BRD3: variants seen among roughly 807,000 people sequenced by gnomAD.
BRD3 encodes bromodomain-containing protein 3.
Under a neutral mutation model 66.8 loss-of-function variants are expected in BRD3, and 17 were observed. That is an observed-to-expected ratio of 0.25 (90% confidence interval 0.17 to 0.38). The LOEUF is 0.38. BRD3 is among the 10% of genes least tolerant of loss of function. The pLI is 1.00. For missense variants in BRD3, 713 were observed against 956.1 expected (o/e 0.75, Z 3.35); for synonymous variants, 421 against 393.2 (o/e 1.07, Z -0.84).
At position 134,054,920 on chromosome 9, in the gene BRD3, C is replaced by G. The variant is rs144200326; in HGVS notation, c.-113-1330G>C. Among the ~76,000 whole-genome samples, 4 of 152,304 alleles carry G rather than the reference C, an allele frequency of 2.6e-5. No homozygotes were observed. In the East Asian group the frequency reaches 7.7e-4, roughly 30 times the overall value. Reference sequence around the variant, plus strand: ...AAAGGGCTTCAAACTACACGCAACACAGCTCACCCACCAAGCATGCCAGCA... The same window carrying G: ...AAAGGGCTTCAAACTACACGCAACAGAGCTCACCCACCAAGCATGCCAGCA... On this transcript the variant is annotated intron_variant, in intron 1 of 11. Coordinates refer to ENST00000303407, the MANE Select transcript of BRD3 (RefSeq NM_007371.4).
At position 134,033,752 on chromosome 9, in the gene BRD3, A is replaced by G. The variant is rs1404993335; in HGVS notation, c.2066-47T>C. Reference sequence around the variant, plus strand: ...GATGCGCTCGCACACCCGCTTCTTGACCCGCTTGGCGGCATGTCGTCCATG... The same window carrying G: ...GATGCGCTCGCACACCCGCTTCTTGGCCCGCTTGGCGGCATGTCGTCCATG... On this transcript the variant is annotated intron_variant, in intron 11 of 11. Transcript: ENST00000303407. This position sits in a 1 kb window ranked among gnomAD's most constrained non-coding sequence, Gnocchi z 5.1. 1 of 684,826 alleles carries G rather than the reference A, an allele frequency of 1.5e-6. No homozygotes were observed. The highest frequency in any genetic ancestry group is 2.7e-6 in the Non-Finnish European group (1 of 372,254). The allele number at this position is 684,826 out of a possible 1,614,324, so 42.4% of individuals were successfully genotyped here.
rs2132363793 is a variant in BRD3, at chr9:134,030,522, T to C, written c.*3068A>G. The C allele has an allele frequency of 4.8e-6, 1 of 208,990 alleles. No homozygotes were observed. The highest frequency in any genetic ancestry group is 2.3e-5 in the African/African-American group (1 of 43,940). 12.9% of individuals were successfully genotyped at this position (208,990 alleles called of 1,614,324 possible). ...ATATACTAGAAACGGCACTAAAAAG[T>C]TTAAGAAAAGTTACGGTAAACTTGC... On this transcript the variant is annotated 3_prime_UTR_variant, in exon 12 of 12. Coordinates refer to ENST00000303407, the MANE Select transcript of BRD3 (RefSeq NM_007371.4).
intron 3 of BRD3, among the ~76,000 whole-genome samples, 183 bp downstream of exon 3, chr9:134,052,123 G>C (rs1042312703): frequency 6.6e-6 from 1 of 152,046 alleles, no homozygotes; most frequent in Non-Finnish European, 1.5e-5. Flanking sequence ...GAACTCCTGA[G>C]CTCAAGTGAT....
In BRD3 at chr9:134,031,214, G is replaced by A. The variant is rs1036194728; in HGVS notation, c.*2376C>T. The A allele has an allele frequency of 3.2e-5, 7 of 218,784 alleles. No homozygotes were observed. The Admixed American group carries it at 4.1e-4, about 13-fold the overall frequency. 13.6% of individuals were successfully genotyped at this position (218,784 alleles called of 1,614,324 possible). ...ACGCCACCGTCACAGAGAACCAGCCGAGAAGGAAAGGCCCCACGATGCTCC... is the reference window on the plus strand; with the variant it reads ...ACGCCACCGTCACAGAGAACCAGCCAAGAAGGAAAGGCCCCACGATGCTCC... On this transcript the variant is annotated 3_prime_UTR_variant, in exon 12 of 12. Transcript: ENST00000303407.
At position 134,033,744 on chromosome 9, in the gene BRD3, G is replaced by C. The variant is rs753189876; in HGVS notation, c.2066-39C>G. The C allele has an allele frequency of 1.4e-6, 1 of 692,518 alleles. No individual in the cohort carries two copies. Among genetic ancestry groups the C allele is most frequent in the Admixed American group, 2.0e-5 (1 of 49,498 alleles). The allele number at this position is 692,518 out of a possible 1,614,324, so 42.9% of individuals were successfully genotyped here. ...GGCAGGGAGATGCGCTCGCACACCC[G>C]CTTCTTGACCCGCTTGGCGGCATGT... On this transcript the variant is annotated intron_variant, in intron 11 of 11. Transcript: ENST00000303407. The surrounding 1 kb of genome is among the most constrained non-coding windows in gnomAD (Gnocchi z 5.1).
intron 2 of BRD3, 107 bp downstream of exon 2, chr9:134,053,158 G>A (rs1664822208): frequency 7.8e-7 from 1 of 1,286,140 alleles, no homozygotes; most frequent in Non-Finnish European, 1.1e-6. Context: ...CAGCTTAGCA[G>A]CAAATTCCCA....
intron 10 of BRD3, among the ~76,000 whole-genome samples, chr9:134,035,720 C>T (rs1843595284): frequency 2.0e-5 from 3 of 152,236 alleles, no homozygotes; most frequent in South Asian, 2.1e-4. Flanking sequence ...GGTTTGGGGC[C>T]GGAGCCCAGC....
rs143914406 is a variant in BRD3, at chr9:134,054,716, T to G, written c.-113-1126A>C. Among the ~76,000 whole-genome samples the G allele has an allele frequency of 4.9e-3, 752 of 152,194 alleles. 7 individuals are homozygous for G. Among genetic ancestry groups the G allele is most frequent in the African/African-American group, 0.017 (721 of 41,506 alleles). ...GACGCTCGGGGCAGACAGTCAAGAC[T>G]AGGGGAAGTTTGTGAGCTGGGTGAC... On this transcript the variant is annotated intron_variant, in intron 1 of 11. Coordinates refer to ENST00000303407, the MANE Select transcript of BRD3 (RefSeq NM_007371.4).
At chr9:134,051,889 G>GTTT (rs886259053) in intron 3 of BRD3, among the ~76,000 whole-genome samples, 180 bp from the exon 4 acceptor site, 7 of 59,018 alleles carry the variant, frequency 1.2e-4, no homozygotes, top group African/African-American at 2.5e-4. Context: ...TGTTTTTTTT[G>GTTT]TTTTTTTTTT....
rs990251700 is a variant in BRD3 at position 134,030,897 on chromosome 9, C to T, written c.*2693G>A. 1 of 231,920 alleles carries T rather than the reference C, an allele frequency of 4.3e-6. No individual in the cohort carries two copies. Among genetic ancestry groups the T allele is most frequent in the African/African-American group, 2.2e-5 (1 of 45,256 alleles). The allele number at this position is 231,920 out of a possible 1,614,324, so 14.4% of individuals were successfully genotyped here. On this transcript the variant is annotated 3_prime_UTR_variant, in exon 12 of 12. Coordinates refer to ENST00000303407, the MANE Select transcript of BRD3 (RefSeq NM_007371.4). ...CACGACTTGTCACTACTCCTCTCCC[C>T]TTGAAAAAAGCATGTTAGAAGCTGC...
At chr9:134,054,097 AAC>A (rs1286345606) in intron 1 of BRD3, 1 of 152,926 alleles carries the variant, frequency 6.5e-6, no homozygotes, top group East Asian at 1.9e-4. Flanking sequence ...TGCAGACCCA[AAC>A]ACGGTGCGGG....
At position 134,041,883 on chromosome 9, in the gene BRD3, G is replaced by T. The variant is rs467387; in HGVS notation, c.1284C>A (p.Pro428=). Residue 428 remains proline, a synonymous_variant, in exon 8 of 12, where the codon CCC becomes CCA. Transcript: ENST00000303407. ...EPVEAPALPA[P]AAPMVSKGAE... is the part of the protein sequence containing the mutation. ...CGCCCTTGCTCACCATGGGGGCCGC[G>T]GGGGCAGGCAGCGCCGGTGCCTCCA... 6.2e-7 allele frequency: 1 copy of T among 1,611,044 alleles called. No individual in the cohort carries two copies. Among genetic ancestry groups the T allele is most frequent in the Non-Finnish European group, 8.5e-7 (1 of 1,178,604 alleles).
intron 9 of BRD3, among the ~76,000 whole-genome samples, chr9:134,039,119 A>G (rs916794871): frequency 7.2e-5 from 11 of 152,044 alleles, no homozygotes; most frequent in South Asian, 4.1e-4. Context: ...AAAGTAGTCT[A>G]TCTCCAGAGC....
intron 7 of BRD3, 147 bp from the exon 8 acceptor site, chr9:134,042,098 C>T: frequency 1.1e-6 from 1 of 942,476 alleles, no homozygotes; most frequent in South Asian, 2.0e-5. Context: ...GTCCCGCCTG[C>T]CTGGGGGGCT....
rs1466374730 is a variant in BRD3, at chr9:134,033,538, CAG to C, written c.*50_*51del. 9 of 697,644 alleles carry C rather than the reference CAG, an allele frequency of 1.3e-5. No individual in the cohort carries two copies. The highest frequency in any genetic ancestry group is 4.6e-4 in the Middle Eastern group (2 of 4,304). The allele number at this position is 697,644 out of a possible 1,614,324, so 43.2% of individuals were successfully genotyped here. ...TAATATGAACCACAGAGGGGTACGG[CAG>C]AGTCTCGGCGTGTGCGACATCCATC... On this transcript the variant is annotated 3_prime_UTR_variant, in exon 12 of 12. Transcript: ENST00000303407. The surrounding 1 kb of genome is among the most constrained non-coding windows in gnomAD (Gnocchi z 5.1).
Position 134,053,649 on chromosome 9 carries a change from TC to T in BRD3, c.-113-60del, listed in dbSNP as rs1830351960. 2.0e-5 allele frequency: 28 copies of T among 1,409,124 alleles called. No individual in the cohort carries two copies. In the South Asian group the frequency reaches 4.0e-4, roughly 20 times the overall value. 87.3% of individuals were successfully genotyped at this position (1,409,124 alleles called of 1,614,324 possible). A position where few individuals can be genotyped will look rare whatever the true frequency, so the allele number is the denominator to read the frequency against. ...CAGTCACCCCGGGGACCCCCACCTC[TC>T]CCAGCCTCGGCGGGCTCCTGAGGGC... On this transcript the variant is annotated intron_variant, in intron 1 of 11. Coordinates refer to ENST00000303407, the MANE Select transcript of BRD3 (RefSeq NM_007371.4).
intron 5 of BRD3, 81 bp downstream of exon 5, chr9:134,050,293 C>A (rs1476112453): frequency 1.4e-6 from 2 of 1,410,802 alleles, no homozygotes; most frequent in Non-Finnish European, 2.0e-6. Flanking sequence ...GGTGGGGGCC[C>A]CCCGCCTGCT....
At chr9:134,036,855 C>CA (rs758048716) in intron 9 of BRD3, among the ~76,000 whole-genome samples, 2 of 151,760 alleles carry the variant, frequency 1.3e-5, no homozygotes, top group East Asian at 3.9e-4. Context: ...ACTAAAAATA[C>CA]AAAAAATTAG....
At position 134,048,179 on chromosome 9, in the gene BRD3, G is replaced by A. The variant is rs372612317; in HGVS notation, c.990C>T (p.Tyr330=). The change falls in exon 6 of 12, where the codon TAC becomes TAT. Residue 330 remains tyrosine (Y), a synonymous_variant. Transcript: ENST00000303407. The part of the protein sequence containing the change: ...REMLSKKHAA[Y]AWPFYKPVDA... ...CCACTGGCTTGTAGAAGGGCCAGGC[G>A]TAGGCCGCGTGCTTCTTGGATAGCA... 2.2e-5 allele frequency: 35 copies of A among 1,612,156 alleles called. No homozygotes were observed. Among genetic ancestry groups the A allele is most frequent in the South Asian group, 4.4e-5 (4 of 90,942 alleles).
Sources: allele counts gnomAD v4.1 joint callset (sites outside exome capture counted in the v4.1 genomes callset), GRCh38; gene constraint gnomAD v4.1.1; non-coding constraint Gnocchi (gnomAD v3.1); transcripts MANE v1.5; gene names NCBI Gene and HGNC (gene_info 2026-07-23, HGNC 2026-07-21).